UBAP2L: variants seen among roughly 807,000 people sequenced by gnomAD.
The protein encoded by UBAP2L is ubiquitin-associated protein 2-like.
A neutral mutation model predicts 130.6 loss-of-function variants in UBAP2L; 12 were observed. That is an observed-to-expected ratio of 0.09 (90% CI 0.06 to 0.15). UBAP2L has a LOEUF of 0.15. Among genes scored for constraint, UBAP2L ranks in the 10% least tolerant of loss-of-function variants. The probability of loss-of-function intolerance (pLI) is 1.00; values close to 1 mark genes in which losing one functional copy is unlikely to be tolerated. For synonymous variants in UBAP2L, 503 were observed against 524.7 expected, an observed-to-expected ratio of 0.96 and a Z score of 0.57; for missense variants, 965 against 1,332.5, an observed-to-expected ratio of 0.72 and a Z score of 4.29.
intron 1 of UBAP2L, 56 bp from the exon 2 acceptor site, chr1:154,225,028 A>C: frequency 8.7e-7 from 1 of 1,150,536 alleles, no homozygotes; most frequent in East Asian, 2.6e-5. Flanking sequence ...CTGATGAGAG[A>C]GTTAAAAACA....
In UBAP2L at chr1:154,261,058, A is replaced by G; in HGVS notation, c.2745A>G (p.Thr915=). ...GYSYTSLPYY[T]GVPGLPSTFQ... ...GTTACACCAGCCTGCCATACTATACAGGGGTCCCGGGCCTCCCCAGCACCT... is the reference window on the plus strand; with the variant it reads ...GTTACACCAGCCTGCCATACTATACGGGGGTCCCGGGCCTCCCCAGCACCT... The change falls in exon 23 of 27, where the codon ACA becomes ACG. Residue 915 remains threonine (T), a synonymous_variant. Transcript: ENST00000428931. 6.2e-7 allele frequency: 1 copy of G among 1,614,134 alleles called. No individual in the cohort carries two copies. Among genetic ancestry groups the G allele is most frequent in the Non-Finnish European group, 8.5e-7 (1 of 1,180,028 alleles).
At chr1:154,267,534 C>T (rs1452933167) in intron 25 of UBAP2L, among the ~76,000 whole-genome samples, 2 of 140,974 alleles carry the variant, frequency 1.4e-5, no homozygotes, top group Non-Finnish European at 1.5e-5. Context: ...GAGACAGTCT[C>T]AAGAAGTCAC....
intron 20 of UBAP2L, chr1:154,257,766 C>A (rs143783651): frequency 4.2e-5 from 14 of 333,384 alleles, no homozygotes; most frequent in African/African-American, 2.3e-4. Flanking sequence ...GGAAAAAATA[C>A]TAAACTGAGG....
chr1:154,232,155 C>G (rs1405942955), intron 4 of UBAP2L, among the ~76,000 whole-genome samples: 1 of 152,026 alleles, frequency 6.6e-6, no homozygotes, highest in Non-Finnish European at 1.5e-5. Context: ...GGTGAAACCC[C>G]ATCTCTACTA....
chr1:154,227,198 G>A, intron 2 of UBAP2L, 84 bp from the exon 3 acceptor site: 1 of 1,142,382 alleles, frequency 8.8e-7, no homozygotes, highest in Non-Finnish European at 1.3e-6. Context: ...GAAAATTGGG[G>A]CAGTGGAGGC....
chr1:154,255,637 G>A lies in UBAP2L; in HGVS notation c.2085-46G>A, dbSNP rs754497372. 18 of 1,596,436 alleles carry A rather than the reference G, an allele frequency of 1.1e-5. 1 individual carries two copies. In the East Asian group the frequency reaches 1.3e-4, roughly 12 times the overall value. On this transcript the variant is annotated intron_variant, in intron 17 of 26. Coordinates refer to ENST00000428931, the MANE Select transcript of UBAP2L (RefSeq NM_014847.4). ...GTTCTTGACTGAAGCTCCAGGTCAC[G>A]TAACTATAGCACTATGGCTGATGGC...
At chr1:154,241,029 T>G (rs1397160249) in intron 8 of UBAP2L, among the ~76,000 whole-genome samples, 2 of 148,804 alleles carry the variant, frequency 1.3e-5, no homozygotes, top group African/African-American at 2.5e-5. Flanking sequence ...TGAGATATCC[T>G]TTTCTAAAGA....
chr1:154,238,768 T>TTG (rs1416628289), intron 8 of UBAP2L, among the ~76,000 whole-genome samples: 2 of 152,096 alleles, frequency 1.3e-5, no homozygotes, highest in African/African-American at 4.8e-5. Context: ...TGAGACAGAG[T>TTG]CTTGCTCTGT....
chr1:154,271,475 C>T, downstream of UBAP2L: 1 of 152,112 alleles, frequency 6.6e-6, no homozygotes, highest in Non-Finnish European at 1.5e-5. Context: ...AAAACAAAAC[C>T]TTGGGGCCCA....
chr1:154,225,490 A>G (rs1250309414), intron 2 of UBAP2L, among the ~76,000 whole-genome samples: 1 of 145,732 alleles, frequency 6.9e-6, no homozygotes, highest in Non-Finnish European at 1.5e-5. Context: ...GTTTTGTTTT[A>G]AGATAGGAGC....
intron 22 of UBAP2L, among the ~76,000 whole-genome samples, chr1:154,260,561 G>T (rs1341129366): frequency 6.6e-6 from 1 of 152,150 alleles, no homozygotes; most frequent in Non-Finnish European, 1.5e-5. Flanking sequence ...AGTCCAGCAT[G>T]GGGTATTCCC....
intron 26 of UBAP2L, 183 bp downstream of exon 26, chr1:154,269,137 A>G: frequency 1.1e-6 from 1 of 909,470 alleles, no homozygotes; most frequent in South Asian, 1.8e-5. Context: ...CGGCAAAGGA[A>G]ATCTCAGAGA....
At chr1:154,265,041 G>A (rs1383181108) in intron 24 of UBAP2L, among the ~76,000 whole-genome samples, 1 of 152,206 alleles carries the variant, frequency 6.6e-6, no homozygotes, top group East Asian at 1.9e-4. Context: ...AGTGTCTTTA[G>A]ACAGTTGATG....
In UBAP2L at chr1:154,225,193, C is replaced by A. The variant is rs1667521292; in HGVS notation, c.70C>A (p.Gln24Lys). ...WEQPQNQNQT[Q>K]HKQRPQATAE... ...ACAACCTCAAAACCAAAACCAGACA[C>A]AGCACAAGCAGCGGCCACAGGTAAA... The change falls in exon 2 of 27, where the codon CAG becomes AAG. Residue 24 changes from glutamine to lysine, a missense_variant. Coordinates refer to ENST00000428931, the MANE Select transcript of UBAP2L (RefSeq NM_014847.4). 1 of 1,613,994 alleles carries A rather than the reference C, an allele frequency of 6.2e-7. No individual in the cohort carries two copies. The highest frequency in any genetic ancestry group is 8.5e-7 in the Non-Finnish European group (1 of 1,180,020).
At chr1:154,235,358 A>ATTT in intron 6 of UBAP2L, 67 bp downstream of exon 6, 3 of 558,542 alleles carry the variant, frequency 5.4e-6, no homozygotes, top group Admixed American at 3.4e-5. Context: ...GGTCTGCTTT[A>ATTT]TTTTTTTTTT....
chr1:154,263,529 C>CT, intron 24 of UBAP2L: 1 of 1,026,844 alleles, frequency 9.7e-7, no homozygotes, highest in Non-Finnish European at 1.2e-6. Flanking sequence ...CCGTGCATGT[C>CT]TTTGTGGACA....
rs566388886 is a variant in UBAP2L at position 154,248,323 on chromosome 1, A to G, written c.1015-916A>G. Among the ~76,000 whole-genome samples, 3 of 152,282 alleles carry G rather than the reference A, an allele frequency of 2.0e-5. No individual in the cohort carries two copies. In the South Asian group the frequency reaches 6.2e-4, roughly 32 times the overall value. On this transcript the variant is annotated intron_variant, in intron 11 of 26. Transcript: ENST00000428931. ...TGGAGAAAACAATCAAATCATACTG[A>G]CTTGCTACTTGATTGTCTAGTGCAG... is the stretch of plus-strand genomic sequence containing the variant.
chr1:154,221,318 AG>A (rs1265586673), intron 1 of UBAP2L: 1 of 153,174 alleles, frequency 6.5e-6, no homozygotes, highest in Non-Finnish European at 1.5e-5. Flanking sequence ...AGCCGTAGGA[AG>A]GGGGGGCCAT....
chr1:154,232,994 C>G (rs994068586), intron 4 of UBAP2L, among the ~76,000 whole-genome samples: 5 of 152,036 alleles, frequency 3.3e-5, no homozygotes, highest in Non-Finnish European at 5.9e-5. Flanking sequence ...GTGTGAGCCA[C>G]CACACCCAGC....
Sources: gnomAD v4.1 joint callset for allele counts (sites outside exome capture counted in the v4.1 genomes callset) on GRCh38, gnomAD v4.1.1 for gene constraint, MANE v1.5 for transcripts, NCBI Gene and HGNC (gene_info 2026-07-23, HGNC 2026-07-21) for gene names.